The following PIK3R4 variants were observed in gnomAD, a reference collection of about 807,000 sequenced individuals.
PIK3R4 encodes the protein phosphoinositide 3-kinase regulatory subunit 4.
In PIK3R4, 46 loss-of-function variants were observed where a neutral mutation model predicts 136.5. The ratio of observed to expected loss-of-function variants is 0.34; its 90% CI spans 0.27 to 0.43. PIK3R4 has a LOEUF of 0.43. PIK3R4 is among the 20% of genes least tolerant of loss of function. The pLI is 1.00. For synonymous variants in PIK3R4, 557 were observed against 566.7 expected (o/e 0.98, Z 0.24); for missense variants, 1,331 against 1,649.5 (o/e 0.81, Z 3.35).
chr3:130,697,243 T>A (rs1325966101), intron 13 of PIK3R4, among the ~76,000 whole-genome samples: 7 of 151,944 alleles, frequency 4.6e-5, no homozygotes, highest in Non-Finnish European at 7.4e-5. Context: ...CAAAATTTTT[T>A]TGTATTTTTA....
intron 2 of PIK3R4, among the ~76,000 whole-genome samples, chr3:130,742,607 G>C (rs1257153660): frequency 6.6e-6 from 1 of 152,200 alleles, no homozygotes; most frequent in Non-Finnish European, 1.5e-5. Context: ...ACACAGATTA[G>C]TGAGCTGAAT....
chr3:130,695,910 T>C (rs2066543313), intron 13 of PIK3R4, among the ~76,000 whole-genome samples: 1 of 152,142 alleles, frequency 6.6e-6, no homozygotes, highest in Non-Finnish European at 1.5e-5. Context: ...CATAAAGCTA[T>C]CTCAGCCAGG....
At chr3:130,703,909 G>A (rs746032004) in intron 12 of PIK3R4, 21 bp from the exon 13 acceptor site, 3 of 1,578,508 alleles carry the variant, frequency 1.9e-6, no homozygotes, top group Non-Finnish European at 1.7e-6. Context: ...GCAAAGGAGT[G>A]TATCATAAAC....
At chr3:130,723,227 C>T (rs888821205) in intron 7 of PIK3R4, among the ~76,000 whole-genome samples, 187 bp downstream of exon 7, 4 of 151,896 alleles carry the variant, frequency 2.6e-5, no homozygotes, top group African/African-American at 9.7e-5. Context: ...AATGAGTCAG[C>T]TTGTCTGTCT....
intron 8 of PIK3R4, 49 bp from the exon 9 acceptor site, chr3:130,716,648 T>G (rs781255051): frequency 8.8e-7 from 1 of 1,133,598 alleles, no homozygotes; most frequent in African/African-American, 1.6e-5. Flanking sequence ...ACATGTACAG[T>G]TATTTTCAAA....
At chr3:130,693,381 CT>C (rs1487063549) in intron 13 of PIK3R4, among the ~76,000 whole-genome samples, 1 of 152,158 alleles carries the variant, frequency 6.6e-6, no homozygotes. Context: ...GGCTACCAAA[CT>C]GTTTTCCAAA....
intron 2 of PIK3R4, 21 bp from the exon 3 acceptor site, chr3:130,736,023 TTC>T: frequency 6.3e-7 from 1 of 1,584,142 alleles, no homozygotes; most frequent in Non-Finnish European, 8.6e-7. Context: ...GCAGGTATAA[TTC>T]TGTTAGAAAA....
rs777458805 is a variant in PIK3R4 at position 130,690,597 on chromosome 3, T to C, written c.3156A>G (p.Gln1052=). 19 of 1,611,378 alleles carry C rather than the reference T, an allele frequency of 1.2e-5. No homozygotes were observed. The African/African-American group carries it at 1.6e-4, about 14-fold the overall frequency. ...ATGCTATGGCTAAATAGTGGGAGCC[T>C]TGGCAGAATGTGAGCGTCTTGACTC... ...GGRVKTLTFC[Q]GSHYLAIASD... Residue 1052 remains glutamine, a synonymous_variant, in exon 14 of 20, where the codon CAA becomes CAG. Transcript: ENST00000356763.
At chr3:130,680,543 T>TAATC (rs1291604623) in intron 19 of PIK3R4, 70 bp downstream of exon 19, 3 of 739,176 alleles carry the variant, frequency 4.1e-6, no homozygotes, top group Non-Finnish European at 6.8e-6. Context: ...CCATTTATTT[T>TAATC]AATCAATTCT....
intron 6 of PIK3R4, among the ~76,000 whole-genome samples, chr3:130,728,126 C>T (rs1290612509): frequency 6.6e-6 from 1 of 152,020 alleles, no homozygotes; most frequent in East Asian, 1.9e-4. Context: ...TTATTGTTAC[C>T]TTTACACTAC....
chr3:130,736,538 C>T (rs1036783728), intron 2 of PIK3R4, among the ~76,000 whole-genome samples: 2 of 151,902 alleles, frequency 1.3e-5, no homozygotes, highest in East Asian at 1.9e-4. Context: ...GAGCCAAGAT[C>T]GTGCCATTGC....
At chr3:130,692,203 T>C (rs13340198) in intron 13 of PIK3R4, among the ~76,000 whole-genome samples, 31,290 of 152,078 alleles carry the variant, frequency 0.21, 3,487 homozygotes, top group South Asian at 0.36. Flanking sequence ...ACAGCTTTGC[T>C]GAAATGATTT....
chr3:130,685,664 G>C (rs971476824), intron 15 of PIK3R4, among the ~76,000 whole-genome samples: 3 of 152,132 alleles, frequency 2.0e-5, no homozygotes, highest in Non-Finnish European at 4.4e-5. Context: ...TTCATCTTTA[G>C]CCTTTGGAGA....
At chr3:130,683,457 AAG>A (rs1443695457) in intron 16 of PIK3R4, among the ~76,000 whole-genome samples, 2 of 152,192 alleles carry the variant, frequency 1.3e-5, no homozygotes, top group African/African-American at 4.8e-5. Flanking sequence ...TAGGAGAACC[AAG>A]AGAAATGTCC....
intron 9 of PIK3R4, among the ~76,000 whole-genome samples, chr3:130,712,793 AG>A (rs2066639639): frequency 6.6e-6 from 1 of 152,192 alleles, no homozygotes; most frequent in African/African-American, 2.4e-5. Context: ...AAGTGAAGGT[AG>A]AGAAAAGGCT....
chr3:130,688,093 G>A (rs2066498643), intron 14 of PIK3R4, among the ~76,000 whole-genome samples: 1 of 152,192 alleles, frequency 6.6e-6, no homozygotes, highest in Middle Eastern at 3.4e-3. Context: ...TTATGCCTAT[G>A]CATACACAAA....
At position 130,686,375 on chromosome 3, in the gene PIK3R4, A is replaced by C; in HGVS notation, c.3311T>G (p.Phe1104Cys). 1 of 1,613,308 alleles carries C rather than the reference A, an allele frequency of 6.2e-7. No homozygotes were observed. The highest frequency in any genetic ancestry group is 8.5e-7 in the Non-Finnish European group (1 of 1,179,340). ...EDGCVVDMHH[F>C]NSGAQSVLAY... ...AAGAACAGACTGTGCTCCAGAGTTG[A>C]AGTGATGCATATCCACAACACAACC... Residue 1104 changes from phenylalanine to cysteine, a missense_variant, in exon 15 of 20, where the codon TTC (phenylalanine) becomes TGC (cysteine). Transcript: ENST00000356763.
At chr3:130,744,392 T>TG (rs766176273) in intron 2 of PIK3R4, 94 bp downstream of exon 2, 86 of 1,361,780 alleles carry the variant, frequency 6.3e-5, no homozygotes, top group Non-Finnish European at 8.2e-5. Flanking sequence ...GACATTAACT[T>TG]TTCAATATCT....
intron 7 of PIK3R4, among the ~76,000 whole-genome samples, chr3:130,720,466 T>C (rs1210561037): frequency 2.0e-5 from 3 of 152,158 alleles, no homozygotes; most frequent in Non-Finnish European, 4.4e-5. Context: ...ATCAATCTTT[T>C]CTTTGTCTAA....
Sources: allele counts gnomAD v4.1 joint callset (sites outside exome capture counted in the v4.1 genomes callset), GRCh38; gene constraint gnomAD v4.1.1; transcripts MANE v1.5; gene names NCBI Gene and HGNC (gene_info 2026-07-23, HGNC 2026-07-21).